MPDZ: variants seen among roughly 807,000 people sequenced by gnomAD.
MPDZ encodes multiple PDZ domain protein.
MPDZ carries 234 observed loss-of-function variants against 239.1 expected under a neutral mutation model. The observed-to-expected ratio is 0.98, with a 90% CI of 0.88 to 1.09. MPDZ has a LOEUF of 1.09. MPDZ is among the 50% of genes least tolerant of loss of function. The pLI, the probability that MPDZ is intolerant of heterozygous loss-of-function variation, is 0.00. For missense variants in MPDZ, 3,175 were observed against 2,510.0 expected, an observed-to-expected ratio of 1.26 and a Z score of -5.66; for synonymous variants, 1,048 against 881.3, an observed-to-expected ratio of 1.19 and a Z score of -3.35.
intron 12 of MPDZ, among the ~76,000 whole-genome samples, chr9:13,198,553 T>C (rs1389961570): frequency 6.6e-6 from 1 of 152,088 alleles, no homozygotes; most frequent in African/African-American, 2.4e-5. Context: ...ATTTATATTG[T>C]TGTTACCTTT....
intron 46 of MPDZ, among the ~76,000 whole-genome samples, chr9:13,108,628 G>C (rs967554178): frequency 6.6e-6 from 1 of 151,936 alleles, no homozygotes. Flanking sequence ...ATTTTCAAAA[G>C]ACGATCATGT....
At chr9:13,172,682 C>T (rs995768281) in intron 21 of MPDZ, among the ~76,000 whole-genome samples, 3 of 152,038 alleles carry the variant, frequency 2.0e-5, no homozygotes, top group East Asian at 3.9e-4. Flanking sequence ...CCACCGCGCC[C>T]GGCCAAATGT....
chr9:13,184,373 C>T (rs527303423), intron 18 of MPDZ, among the ~76,000 whole-genome samples: 2 of 151,978 alleles, frequency 1.3e-5, no homozygotes, highest in South Asian at 4.1e-4. Flanking sequence ...TCTGATACTA[C>T]CAGCATTTTC....
At chr9:13,111,736 A>ATC (rs1563815168) in intron 43 of MPDZ, among the ~76,000 whole-genome samples, 1 of 152,230 alleles carries the variant, frequency 6.6e-6, no homozygotes, top group Non-Finnish European at 1.5e-5. Flanking sequence ...GTGTTCTGAA[A>ATC]ATACTTTCTG....
intron 25 of MPDZ, among the ~76,000 whole-genome samples, chr9:13,149,830 A>T (rs898767210): frequency 6.6e-6 from 1 of 152,094 alleles, no homozygotes; most frequent in African/African-American, 2.4e-5. Context: ...GTGCACACAC[A>T]TGCACACAGG....
rs533847085 is a variant in MPDZ, at chr9:13,113,900, AACC to A, written c.5557+28_5557+30del. ...AAATCAGTGTTGACAGCCAAATTCA[AACC>A]ATGTTTAAAATACTGAACCAATCTT... is the stretch of plus-strand genomic sequence containing the variant. On this transcript the variant is annotated intron_variant, in intron 41 of 46. Coordinates refer to ENST00000319217, the MANE Select transcript of MPDZ (RefSeq NM_001378778.1). The A allele has an allele frequency of 2.5e-4, 384 of 1,528,284 alleles. No homozygotes were observed. In the South Asian group the frequency reaches 3.0e-3, roughly 12 times the overall value. 94.7% of individuals were successfully genotyped at this position (1,528,284 alleles called of 1,614,324 possible).
At chr9:13,138,360 T>C (rs1947149878) in intron 28 of MPDZ, among the ~76,000 whole-genome samples, 1 of 152,182 alleles carries the variant, frequency 6.6e-6, no homozygotes, top group Non-Finnish European at 1.5e-5. Context: ...TCTTTGCATC[T>C]AGGGTGCAGA....
intron 39 of MPDZ, among the ~76,000 whole-genome samples, 188 bp from the exon 40 acceptor site, chr9:13,115,522 T>C (rs1226515354): frequency 6.6e-6 from 1 of 152,118 alleles, no homozygotes; most frequent in Non-Finnish European, 1.5e-5. Flanking sequence ...CTAATAAAAA[T>C]AATCAGCAGC....
chr9:13,239,608 G>C (rs1964886741), intron 3 of MPDZ, among the ~76,000 whole-genome samples: 1 of 152,040 alleles, frequency 6.6e-6, no homozygotes, highest in Non-Finnish European at 1.5e-5. Flanking sequence ...AAAACTAGTT[G>C]TCTGGCAAGG....
At chr9:13,208,842 G>A (rs191189519) in intron 10 of MPDZ, among the ~76,000 whole-genome samples, 1 of 152,130 alleles carries the variant, frequency 6.6e-6, no homozygotes, top group African/African-American at 2.4e-5. Context: ...TGATACTTCT[G>A]AGCTGGATGG....
chr9:13,123,047 G>C (rs978470116), intron 36 of MPDZ, 106 bp downstream of exon 36: 6 of 1,163,870 alleles, frequency 5.2e-6, no homozygotes, highest in Admixed American at 3.2e-5. Context: ...AGGTTTTTTC[G>C]GCCTTCACAT....
At chr9:13,271,296 G>A (rs577557770) in intron 1 of MPDZ, among the ~76,000 whole-genome samples, 5 of 152,122 alleles carry the variant, frequency 3.3e-5, no homozygotes, top group African/African-American at 7.2e-5. Flanking sequence ...TACAAAAGTC[G>A]GACTCACACA....
intron 30 of MPDZ, 143 bp from the exon 31 acceptor site, chr9:13,136,325 CTTTTTTTTTTT>C (rs869272418): frequency 2.2e-4 from 34 of 156,688 alleles, no homozygotes; most frequent in South Asian, 1.2e-3. Context: ...CAAACGTTTT[CTTTTTTTTTTT>C]TTTTTTTTTT....
chr9:13,243,624 CA>C (rs576625277), intron 3 of MPDZ, among the ~76,000 whole-genome samples: 1 of 151,826 alleles, frequency 6.6e-6, no homozygotes, highest in Non-Finnish European at 1.5e-5. Context: ...GAAAAAATTT[CA>C]AAAAAAGATC....
chr9:13,269,916 T>C (rs1972586217), intron 1 of MPDZ, among the ~76,000 whole-genome samples: 1 of 152,178 alleles, frequency 6.6e-6, no homozygotes. Flanking sequence ...ACCTTAGCCA[T>C]ATAAGATAAA....
intron 39 of MPDZ, among the ~76,000 whole-genome samples, chr9:13,118,090 C>T (rs1201648370): frequency 6.6e-6 from 1 of 151,984 alleles, no homozygotes; most frequent in Non-Finnish European, 1.5e-5. Context: ...GTGATCCACC[C>T]GCCTCAGCCT....
intron 46 of MPDZ, among the ~76,000 whole-genome samples, chr9:13,107,834 G>C (rs1039325548): frequency 1.3e-5 from 2 of 152,048 alleles, no homozygotes; most frequent in African/African-American, 4.8e-5. Flanking sequence ...TAAAAATATG[G>C]AAAAGTTAAT....
intron 24 of MPDZ, among the ~76,000 whole-genome samples, chr9:13,157,135 T>C (rs1949926954): frequency 6.6e-6 from 1 of 152,192 alleles, no homozygotes; most frequent in Non-Finnish European, 1.5e-5. Flanking sequence ...TTACGAATAT[T>C]ACAAATTCTT....
chr9:13,176,495 A>C, intron 19 of MPDZ, 78 bp from the exon 20 acceptor site: 1 of 1,111,648 alleles, frequency 9.0e-7, no homozygotes, highest in African/African-American at 1.6e-5. Flanking sequence ...TCACTTCTTA[A>C]TGAACAACTA....
Sources: gnomAD v4.1 joint callset for allele counts (sites outside exome capture counted in the v4.1 genomes callset) on GRCh38, gnomAD v4.1.1 for gene constraint, MANE v1.5 for transcripts, NCBI Gene and HGNC (gene_info 2026-07-23, HGNC 2026-07-21) for gene names.